ATP9B: variants seen among roughly 807,000 people sequenced by gnomAD.
ATP9B encodes the protein probable phospholipid-transporting ATPase IIB.
In ATP9B, 110 loss-of-function variants were observed where a neutral mutation model predicts 146.1. That is an observed-to-expected ratio of 0.75 (90% confidence interval 0.65 to 0.88). ATP9B has a LOEUF of 0.88. Among genes scored for constraint, ATP9B ranks in the 40% least tolerant of loss-of-function variants. ATP9B has a pLI of 0.00. For synonymous variants in ATP9B, 604 were observed against 569.7 expected, an observed-to-expected ratio of 1.06 and a Z score of -0.86; for missense variants, 1,499 against 1,496.4, an observed-to-expected ratio of 1.00 and a Z score of -0.03.
chr18:79,070,001 A>C (rs1169803070), intron 1 of ATP9B, among the ~76,000 whole-genome samples: 5 of 152,214 alleles, frequency 3.3e-5, no homozygotes, highest in African/African-American at 1.2e-4. Flanking sequence ...TGCTAGGCAC[A>C]CTTTTTGTTT....
At chr18:79,146,767 C>G (rs949054552) in intron 6 of ATP9B, 2 of 155,208 alleles carry the variant, frequency 1.3e-5, no homozygotes, top group Non-Finnish European at 2.9e-5. Flanking sequence ...CATCTGCCTA[C>G]TTCCATGACT....
intron 5 of ATP9B, 35 bp downstream of exon 5, chr18:79,126,410 C>T (rs749041921): frequency 1.4e-6 from 2 of 1,424,194 alleles, no homozygotes; most frequent in South Asian, 2.5e-5. Flanking sequence ...TTAGCGTTTG[C>T]TTACTGTAAT....
At chr18:79,169,329 TCACC>T (rs2095034396) in intron 7 of ATP9B, among the ~76,000 whole-genome samples, 1 of 152,198 alleles carries the variant, frequency 6.6e-6, no homozygotes, top group Non-Finnish European at 1.5e-5. Flanking sequence ...TGTTATACTG[TCACC>T]TAACACTGTT....
chr18:79,354,314 C>T (rs971555607), intron 25 of ATP9B: 2 of 152,132 alleles, frequency 1.3e-5, no homozygotes, highest in Non-Finnish European at 2.9e-5. Context: ...TGGCTCATGC[C>T]TGTAATCCCA....
chr18:79,164,684 A>G (rs2094938556), intron 7 of ATP9B, among the ~76,000 whole-genome samples: 1 of 152,178 alleles, frequency 6.6e-6, no homozygotes, highest in Non-Finnish European at 1.5e-5. Flanking sequence ...GCGCCACTGC[A>G]CTCCAGGCTG....
intron 1 of ATP9B, among the ~76,000 whole-genome samples, chr18:79,072,939 C>T (rs2072088221): frequency 6.6e-6 from 1 of 152,012 alleles, no homozygotes; most frequent in Non-Finnish European, 1.5e-5. Flanking sequence ...AGGCGCTCGT[C>T]ACATCCCAGA....
chr18:79,177,874 G>T (rs2095198385), intron 8 of ATP9B, among the ~76,000 whole-genome samples: 2 of 152,092 alleles, frequency 1.3e-5, no homozygotes, highest in South Asian at 4.1e-4. Flanking sequence ...GTTTTCATGG[G>T]TTTTTAATTT....
In ATP9B at chr18:79,118,390, G is replaced by GGTTTTTTT. The variant is rs1555689295; in HGVS notation, c.558+5036_558+5037insGTTTTTTT. On this transcript the variant is annotated intron_variant, in intron 4 of 29. Coordinates refer to ENST00000426216, the MANE Select transcript of ATP9B (RefSeq NM_198531.5). Reference sequence around the variant, plus strand: ...AAACACAATCATATTGAACGTTTTTGTTTTTTTTTTTTTTTTTTTTTTTTT... The same window carrying GGTTTTTTT: ...AAACACAATCATATTGAACGTTTTTGGTTTTTTTTTTTTTTTTTTTTTTTTTTTTTTTT... 8.3e-4 allele frequency among the ~76,000 whole-genome samples: 77 copies of GGTTTTTTT among 93,262 alleles called. 4 individuals carry two copies. The highest frequency in any genetic ancestry group is 0.014 in the Middle Eastern group (2 of 144). 61.2% of individuals were successfully genotyped at this position (93,262 alleles called of 152,430 possible).
At chr18:79,191,086 G>C (rs1450815537) in intron 8 of ATP9B, among the ~76,000 whole-genome samples, 2 of 151,910 alleles carry the variant, frequency 1.3e-5, no homozygotes, top group African/African-American at 4.8e-5. Flanking sequence ...GAATATTTTT[G>C]CTGGATATTG....
At chr18:79,138,479 C>T (rs1343714980) in intron 5 of ATP9B, among the ~76,000 whole-genome samples, 1 of 152,140 alleles carries the variant, frequency 6.6e-6, no homozygotes, top group African/African-American at 2.4e-5. Flanking sequence ...TTGGCACATC[C>T]CATTTACTTA....
At chr18:79,141,320 C>T (rs1001628668) in intron 5 of ATP9B, among the ~76,000 whole-genome samples, 4 of 152,142 alleles carry the variant, frequency 2.6e-5, no homozygotes, top group African/African-American at 9.7e-5. Context: ...TTATGCTGAC[C>T]TGTGAGGCAA....
intron 13 of ATP9B, among the ~76,000 whole-genome samples, chr18:79,302,477 G>A (rs886971410): frequency 1.3e-5 from 2 of 152,230 alleles, no homozygotes; most frequent in Admixed American, 6.5e-5. Flanking sequence ...CAAGGTGAAA[G>A]CACCACACAT....
chr18:79,257,865 C>T (rs2096098576), intron 12 of ATP9B, among the ~76,000 whole-genome samples: 1 of 152,228 alleles, frequency 6.6e-6, no homozygotes, highest in Non-Finnish European at 1.5e-5. Flanking sequence ...AAGACTGCTT[C>T]TCTTTCACCA....
At chr18:79,120,306 A>G (rs940902944) in intron 4 of ATP9B, among the ~76,000 whole-genome samples, 2 of 152,168 alleles carry the variant, frequency 1.3e-5, no homozygotes, top group Non-Finnish European at 2.9e-5. Flanking sequence ...GCATAAAACC[A>G]TTTTACAGTT....
chr18:79,263,285 T>C (rs2096164263), intron 12 of ATP9B, among the ~76,000 whole-genome samples: 1 of 152,204 alleles, frequency 6.6e-6, no homozygotes, highest in Admixed American at 6.5e-5. Context: ...AGAACGCATG[T>C]GTACCCAAGT....
At chr18:79,185,518 A>T (rs2148048572) in intron 8 of ATP9B, among the ~76,000 whole-genome samples, 1 of 152,340 alleles carries the variant, frequency 6.6e-6, no homozygotes. Context: ...AAATGAAAAC[A>T]TTTTAATTTT....
chr18:79,213,123 T>C (rs763237565), intron 10 of ATP9B, among the ~76,000 whole-genome samples: 1 of 152,144 alleles, frequency 6.6e-6, no homozygotes, highest in Non-Finnish European at 1.5e-5. Flanking sequence ...ATATAATTAT[T>C]ATAGTTAATT....
chr18:79,303,793 C>T, intron 14 of ATP9B, 77 bp downstream of exon 14: 2 of 1,006,390 alleles, frequency 2.0e-6, no homozygotes, highest in Non-Finnish European at 3.0e-6. Context: ...CTCGTGTGTT[C>T]CCATCTGTAA....
Position 79,110,331 on chromosome 18 carries a change from A to G in ATP9B, c.294-24A>G, listed in dbSNP as rs199747413. ...TTTAAAAAGCAAAAAAAAATACACA[A>G]TACGTATCTTTTGTTTCATACAGTT... On this transcript the variant is annotated intron_variant, in intron 2 of 29. Transcript: ENST00000426216. 4.5e-5 allele frequency: 69 copies of G among 1,543,808 alleles called. No homozygotes were observed. The Middle Eastern group carries it at 1.2e-3, about 27-fold the overall frequency.
Sources: gnomAD v4.1 joint callset for allele counts (sites outside exome capture counted in the v4.1 genomes callset) on GRCh38, gnomAD v4.1.1 for gene constraint, MANE v1.5 for transcripts, NCBI Gene and HGNC (gene_info 2026-07-23, HGNC 2026-07-21) for gene names.